The following RSRC2 variants were observed in gnomAD, a reference collection of about 807,000 sequenced individuals.
The protein encoded by RSRC2 is arginine and serine rich coiled-coil 2, also known as arginine/serine-rich coiled-coil protein 2.
In RSRC2, 5 loss-of-function variants were observed where a neutral mutation model predicts 61.3. The ratio of observed to expected loss-of-function variants is 0.08; its 90% CI spans 0.04 to 0.17. The LOEUF (loss-of-function observed/expected upper bound fraction) is 0.17, where lower values mean the gene tolerates loss of function less well. RSRC2 is among the 10% of genes least tolerant of loss of function. RSRC2 has a pLI of 1.00. For synonymous variants in RSRC2, 202 were observed against 166.5 expected (o/e 1.21, Z -1.64); for missense variants, 381 against 518.8 (o/e 0.73, Z 2.58).
At chr12:122,509,377 G>A (rs1958327524) in intron 7 of RSRC2, among the ~76,000 whole-genome samples, 1 of 151,732 alleles carries the variant, frequency 6.6e-6, no homozygotes, top group Admixed American at 6.6e-5. Context: ...TTGAACCCGA[G>A]AGGTGGAGGT....
rs753032024 is a variant in RSRC2 at position 122,506,831 on chromosome 12, C to T, written c.1125+3G>A. On this transcript the variant is annotated splice_donor_region_variant and intron_variant, in intron 9 of 9. Coordinates refer to ENST00000331738, the MANE Select transcript of RSRC2 (RefSeq NM_023012.6). ...AAGATCCCCTGGCACATGTGAAACT[C>T]ACCTTAATACCCATCAATTTCCTAA... 1 of 1,555,924 alleles carries T rather than the reference C, an allele frequency of 6.4e-7. No homozygotes were observed. The highest frequency in any genetic ancestry group is 8.9e-7 in the Non-Finnish European group (1 of 1,129,246).
At chr12:122,515,270 AT>A in intron 5 of RSRC2, 43 bp from the exon 6 acceptor site, 1 of 1,584,076 alleles carries the variant, frequency 6.3e-7, no homozygotes, top group Non-Finnish European at 8.6e-7. Flanking sequence ...TGGCCAAGTC[AT>A]AACTATTTTG....
At position 122,503,783 on chromosome 12, in the gene RSRC2, T is replaced by TA. The variant is rs1957993392; in HGVS notation, c.*1743dup. On this transcript the variant is annotated 3_prime_UTR_variant, in exon 10 of 10. Coordinates refer to ENST00000331738, the MANE Select transcript of RSRC2 (RefSeq NM_023012.6). ...AAATGAAAGGTTTATTAAAGTACAT[T>TA]AAAAATCTTACAATCTGGCTAGGTG... The TA allele has an allele frequency of 6.6e-6, 1 of 152,108 alleles. No homozygotes were observed. The highest frequency in any genetic ancestry group is 2.1e-4 in the South Asian group (1 of 4,830). The allele number at this position is 152,108 out of a possible 1,614,324, so 9.4% of individuals were successfully genotyped here. A position where few individuals can be genotyped will look rare whatever the true frequency, so the allele number is the denominator to read the frequency against.
At position 122,504,245 on chromosome 12, in the gene RSRC2, T is replaced by C. The variant is rs1958001121; in HGVS notation, c.*1282A>G. On this transcript the variant is annotated 3_prime_UTR_variant, in exon 10 of 10. Coordinates refer to ENST00000331738, the MANE Select transcript of RSRC2 (RefSeq NM_023012.6). ...TTTTTCAAAGGAAAGCCAAACCTTATTACTTTGCTGTAACTGAAGTAAATT... is the reference window on the plus strand; with the variant it reads ...TTTTTCAAAGGAAAGCCAAACCTTACTACTTTGCTGTAACTGAAGTAAATT... The C allele has an allele frequency of 1.3e-5, 2 of 152,256 alleles. No homozygotes were observed. The highest frequency in any genetic ancestry group is 4.8e-5 in the African/African-American group (2 of 41,450). The allele number at this position is 152,256 out of a possible 1,614,324, so 9.4% of individuals were successfully genotyped here.
At chr12:122,513,667 G>C (rs1232743266) in intron 6 of RSRC2, 1 of 321,654 alleles carries the variant, frequency 3.1e-6, no homozygotes, top group Non-Finnish European at 4.5e-6. Context: ...GTTTCAGAAA[G>C]AAGATACGTG....
At chr12:122,522,116 G>C in intron 2 of RSRC2, 27 bp downstream of exon 2, 1 of 1,596,420 alleles carries the variant, frequency 6.3e-7, no homozygotes, top group Non-Finnish European at 8.5e-7. Context: ...AATGCTGAGA[G>C]TTGTAACCAC....
chr12:122,505,881 T>G (rs1358080038), intron 9 of RSRC2, among the ~76,000 whole-genome samples, 175 bp from the exon 10 acceptor site: 2 of 151,988 alleles, frequency 1.3e-5, no homozygotes, highest in East Asian at 3.9e-4. Context: ...TGGGTTTAAG[T>G]AATTCTTATG....
intron 8 of RSRC2, 69 bp downstream of exon 8, chr12:122,508,149 C>G (rs984833696): frequency 7.2e-7 from 1 of 1,385,108 alleles, no homozygotes; most frequent in Admixed American, 1.7e-5. Flanking sequence ...ATTTTTCAAC[C>G]CAAATTTGTT....
intron 5 of RSRC2, among the ~76,000 whole-genome samples, chr12:122,516,980 A>T (rs1172832207): frequency 6.6e-6 from 1 of 152,208 alleles, no homozygotes; most frequent in Admixed American, 6.5e-5. Flanking sequence ...ACACCTAGCC[A>T]ACAACTGCAT....
At chr12:122,507,231 T>C (rs1173398004) in intron 8 of RSRC2, 1 of 336,568 alleles carries the variant, frequency 3.0e-6, no homozygotes, top group Non-Finnish European at 5.6e-6. Flanking sequence ...TACAAAAAAC[T>C]AGCCTGGCAT....
intron 4 of RSRC2, among the ~76,000 whole-genome samples, chr12:122,517,866 T>C (rs1959053287): frequency 6.6e-6 from 1 of 152,028 alleles, no homozygotes; most frequent in African/African-American, 2.4e-5. Flanking sequence ...TTATCTATAC[T>C]CCAACATTAA....
At chr12:122,511,889 C>G (rs935427044) in intron 6 of RSRC2, among the ~76,000 whole-genome samples, 7 of 152,220 alleles carry the variant, frequency 4.6e-5, no homozygotes, top group African/African-American at 1.7e-4. Context: ...TCACTGCAAC[C>G]TCCGCCTCCT....
intron 1 of RSRC2, among the ~76,000 whole-genome samples, chr12:122,525,362 G>A (rs1039138540): frequency 4.6e-5 from 7 of 152,202 alleles, no homozygotes; most frequent in African/African-American, 1.7e-4. Flanking sequence ...GGCGACAAGA[G>A]CAAAACTCCG....
At chr12:122,521,586 A>C (rs557188211) in intron 2 of RSRC2, among the ~76,000 whole-genome samples, 158 bp from the exon 3 acceptor site, 5 of 152,338 alleles carry the variant, frequency 3.3e-5, no homozygotes, top group Admixed American at 2.0e-4. Context: ...TTAATACAAC[A>C]CACATGTGAA....
rs1050309519 is a variant in RSRC2 at position 122,517,283 on chromosome 12, T to C, written c.546A>G (p.Ser182=). Residue 182 remains serine, a synonymous_variant, in exon 5 of 10, where the codon TCA becomes TCG. Transcript: ENST00000331738. ...TAGTCCTATGCCTGTGTCTTGATCTTGAGCGGGAACGAGACCTGATCCGCC... is the reference window on the plus strand; with the variant it reads ...TAGTCCTATGCCTGTGTCTTGATCTCGAGCGGGAACGAGACCTGATCCGCC... ...RKRRIRSRSR[S]RSRHRHRTRS... is the part of the protein sequence containing the mutation. The C allele has an allele frequency of 1.9e-6, 3 of 1,614,162 alleles. No homozygotes were observed. Among genetic ancestry groups the C allele is most frequent in the African/African-American group, 1.3e-5 (1 of 75,026 alleles).
chr12:122,504,761 A>G lies in RSRC2; in HGVS notation c.*766T>C, dbSNP rs1958018074. ...GCACTTTATTAAAATAAAAGTGCTT[A>G]CATCCCTTTAATGCATTAATCTATC... On this transcript the variant is annotated 3_prime_UTR_variant, in exon 10 of 10. Coordinates refer to ENST00000331738, the MANE Select transcript of RSRC2 (RefSeq NM_023012.6). 6.5e-6 allele frequency: 1 copy of G among 152,678 alleles called. No homozygotes were observed. The highest frequency in any genetic ancestry group is 1.5e-5 in the Non-Finnish European group (1 of 68,044). 9.5% of individuals were successfully genotyped at this position (152,678 alleles called of 1,614,324 possible). A position where few individuals can be genotyped will look rare whatever the true frequency, so the allele number is the denominator to read the frequency against.
At chr12:122,509,981 C>T (rs1223751779) in intron 7 of RSRC2, among the ~76,000 whole-genome samples, 1 of 152,076 alleles carries the variant, frequency 6.6e-6, no homozygotes, top group Non-Finnish European at 1.5e-5. Context: ...ACAACCACGC[C>T]TGGCTAATTT....
At position 122,521,408 on chromosome 12, in the gene RSRC2, T is replaced by G. The variant is rs554895408; in HGVS notation, c.184A>C (p.Arg62=). The G allele has an allele frequency of 4.3e-6, 7 of 1,612,578 alleles. No individual in the cohort carries two copies. In the African/African-American group the frequency reaches 8.0e-5, roughly 18 times the overall value. ...ACCTCTTTGCTTCTGCTCCGGCTCC[T>G]GTGTTTTCTTCCTTCATTATCTGTG... ...RKSDNEGRKH[R]SRSRSKEGRR... The change falls in exon 3 of 10, where the codon AGG becomes CGG. Residue 62 remains arginine (R), a synonymous_variant. Coordinates refer to ENST00000331738, the MANE Select transcript of RSRC2 (RefSeq NM_023012.6).
chr12:122,513,586 T>C (rs1958692504), intron 6 of RSRC2, among the ~76,000 whole-genome samples: 1 of 152,166 alleles, frequency 6.6e-6, no homozygotes, highest in Admixed American at 6.5e-5. Context: ...TAAAAAATAT[T>C]TGTCAGAGTT....
Sources: allele counts gnomAD v4.1 joint callset (sites outside exome capture counted in the v4.1 genomes callset), GRCh38; gene constraint gnomAD v4.1.1; transcripts MANE v1.5; gene names NCBI Gene and HGNC (gene_info 2026-07-23, HGNC 2026-07-21).